The following PTCHD4 variants were observed in gnomAD, a reference collection of about 807,000 sequenced individuals.
PTCHD4 encodes the protein patched domain-containing protein 4.
Under a neutral mutation model 58.1 loss-of-function variants are expected in PTCHD4, and 33 were observed. That is an observed-to-expected ratio of 0.57 (90% CI 0.43 to 0.76). The LOEUF is 0.76. PTCHD4 is among the 30% of genes least tolerant of loss of function. PTCHD4 has a pLI of 0.00. For missense variants in PTCHD4, 1,058 were observed against 1,027.1 expected, an observed-to-expected ratio of 1.03 and a Z score of -0.41; for synonymous variants, 478 against 409.6, an observed-to-expected ratio of 1.17 and a Z score of -2.02.
At chr6:48,058,784 T>C (rs1395762207) in intron 3 of PTCHD4, among the ~76,000 whole-genome samples, 5 of 152,176 alleles carry the variant, frequency 3.3e-5, no homozygotes, top group African/African-American at 1.2e-4. Context: ...TTTGCTACTT[T>C]TAACTGTCCT....
intron 3 of PTCHD4, among the ~76,000 whole-genome samples, chr6:48,065,199 A>C (rs1431243328): frequency 6.6e-6 from 1 of 152,206 alleles, no homozygotes; most frequent in Admixed American, 6.5e-5. Context: ...CAGTGTTTAC[A>C]CATCTTCAGC....
chr6:47,878,123 C>CTTTTTT lies in PTCHD4; in HGVS notation c.*174_*179dup. On this transcript the variant is annotated 3_prime_UTR_variant, in exon 5 of 5. Coordinates refer to ENST00000339488, the MANE Select transcript of PTCHD4 (RefSeq NM_001384253.1). ...ACAAGGTTGCAAATAACTTTTTCCT[C>CTTTTTT]TTTTTTTATTCCCTCTTCCCCCCAA... 1 of 518,882 alleles carries CTTTTTT rather than the reference C, an allele frequency of 1.9e-6. No homozygotes were observed. Among genetic ancestry groups the CTTTTTT allele is most frequent in the African/African-American group, 1.9e-5 (1 of 51,544 alleles). The allele number at this position is 518,882 out of a possible 1,614,324, so 32.1% of individuals were successfully genotyped here.
chr6:48,034,549 G>A (rs1328828142), intron 3 of PTCHD4, among the ~76,000 whole-genome samples: 2 of 152,074 alleles, frequency 1.3e-5, no homozygotes, highest in Non-Finnish European at 2.9e-5. Context: ...ACAAGGCTGA[G>A]GGTGGAAAAA....
intron 3 of PTCHD4, among the ~76,000 whole-genome samples, chr6:48,041,223 T>A (rs1486506717): frequency 6.6e-6 from 1 of 152,040 alleles, no homozygotes; most frequent in African/African-American, 2.4e-5. Context: ...TGACTCTCAA[T>A]TTTCACAAAG....
At chr6:48,108,079 G>A (rs891341168) in intron 1 of PTCHD4, among the ~76,000 whole-genome samples, 5 of 152,140 alleles carry the variant, frequency 3.3e-5, no homozygotes, top group African/African-American at 9.7e-5. Context: ...AATACGATTT[G>A]ACCCAGCCAT....
At chr6:48,110,626 T>A (rs1197818478) in intron 1 of PTCHD4, among the ~76,000 whole-genome samples, 1 of 149,238 alleles carries the variant, frequency 6.7e-6, no homozygotes, top group East Asian at 2.0e-4. Context: ...GTCCAGATGG[T>A]TTTACCACAC....
intron 1 of PTCHD4, among the ~76,000 whole-genome samples, chr6:48,070,355 T>A (rs537400853): frequency 6.6e-5 from 10 of 152,246 alleles, no homozygotes; most frequent in African/African-American, 1.7e-4. Context: ...CATCTATGCA[T>A]ACAAACAAGC....
chr6:48,021,495 C>T (rs373391021), intron 3 of PTCHD4, among the ~76,000 whole-genome samples: 4 of 152,164 alleles, frequency 2.6e-5, no homozygotes, highest in African/African-American at 9.7e-5. Flanking sequence ...CTTTCCATCT[C>T]ATACATTTGT....
intron 3 of PTCHD4, among the ~76,000 whole-genome samples, chr6:48,043,506 A>G (rs1052735231): frequency 6.6e-6 from 1 of 151,880 alleles, no homozygotes; most frequent in Non-Finnish European, 1.5e-5. Flanking sequence ...TTAATCTCAA[A>G]GTTTTACCTT....
rs557492187 is a variant in PTCHD4, at chr6:47,984,112, A to C, written c.898+24522T>G. ...AAATAAGTATATTTATAAATTGGCA[A>C]TTATTGATTTCATAATCATTTAAAC... On this transcript the variant is annotated intron_variant, in intron 4 of 4. Transcript: ENST00000339488. 6.8e-4 allele frequency among the ~76,000 whole-genome samples: 103 copies of C among 152,308 alleles called. 1 individual carries two copies. The highest frequency in any genetic ancestry group is 2.3e-3 in the African/African-American group (95 of 41,582).
chr6:47,942,036 C>T (rs1307797190), intron 4 of PTCHD4, among the ~76,000 whole-genome samples: 1 of 152,086 alleles, frequency 6.6e-6, no homozygotes, highest in East Asian at 1.9e-4. Context: ...TTCTTTTTCC[C>T]AGTGCAGGAA....
chr6:47,987,201 GA>G (rs1768095089), intron 4 of PTCHD4, among the ~76,000 whole-genome samples: 1 of 140,320 alleles, frequency 7.1e-6, no homozygotes, highest in South Asian at 2.3e-4. Context: ...ATGCATATTT[GA>G]AAAAGACTCA....
intron 1 of PTCHD4, among the ~76,000 whole-genome samples, chr6:48,087,758 A>G (rs1329473605): frequency 1.3e-5 from 2 of 152,222 alleles, no homozygotes; most frequent in African/African-American, 4.8e-5. Flanking sequence ...AGTCATACCT[A>G]TCTAAAAGAA....
chr6:48,012,135 G>A (rs529612614), intron 3 of PTCHD4, among the ~76,000 whole-genome samples: 1 of 152,294 alleles, frequency 6.6e-6, no homozygotes, highest in East Asian at 1.9e-4. Flanking sequence ...GACGGGAATA[G>A]CATTGAATCT....
At chr6:47,948,310 A>G (rs543864295) in intron 4 of PTCHD4, among the ~76,000 whole-genome samples, 3 of 152,324 alleles carry the variant, frequency 2.0e-5, no homozygotes, top group African/African-American at 4.8e-5. Flanking sequence ...AGCAATGACG[A>G]GAGGCTCTTT....
intron 4 of PTCHD4, among the ~76,000 whole-genome samples, chr6:47,907,502 G>A (rs1295696623): frequency 6.6e-6 from 1 of 152,168 alleles, no homozygotes; most frequent in African/African-American, 2.4e-5. Context: ...GGAGCTAGGG[G>A]TTTTAATAGC....
intron 4 of PTCHD4, among the ~76,000 whole-genome samples, chr6:48,000,118 T>C (rs1768663093): frequency 6.6e-6 from 1 of 152,290 alleles, no homozygotes; most frequent in African/African-American, 2.4e-5. Context: ...GGATTCATGG[T>C]TACAAGATGG....
At chr6:47,890,985 A>C in intron 4 of PTCHD4, 1 of 538,130 alleles carries the variant, frequency 1.9e-6, no homozygotes, top group South Asian at 8.1e-5. Flanking sequence ...AGGCTGGTGG[A>C]TCACTTGAGG....
intron 3 of PTCHD4, among the ~76,000 whole-genome samples, chr6:48,020,787 A>G (rs76482887): frequency 0.16 from 24,343 of 152,094 alleles, 2,542 homozygotes; most frequent in Non-Finnish European, 0.23. Context: ...TTACAGCATG[A>G]TCTCCACTAC....
Sources: allele counts gnomAD v4.1 joint callset (sites outside exome capture counted in the v4.1 genomes callset), GRCh38; gene constraint gnomAD v4.1.1; transcripts MANE v1.5; gene names NCBI Gene and HGNC (gene_info 2026-07-23, HGNC 2026-07-21).